Variants in COMMD10 observed in about 807,000 individuals in gnomAD.
COMMD10 encodes COMM domain-containing protein 10.
In COMMD10, 33 loss-of-function variants were observed where a neutral mutation model predicts 28.9. The ratio of observed to expected loss-of-function variants is 1.14; its 90% confidence interval spans 0.87 to 1.53. The LOEUF is 1.53. Among genes scored for constraint, COMMD10 ranks in the 40% most tolerant of loss-of-function variants. The pLI, the probability that COMMD10 is intolerant of heterozygous loss-of-function variation, is 0.00. For missense variants in COMMD10, 310 were observed against 233.4 expected, an observed-to-expected ratio of 1.33 and a Z score of -2.14; for synonymous variants, 110 against 81.7, an observed-to-expected ratio of 1.35 and a Z score of -1.87.
chr5:116,168,856 A>C (rs1323165736), intron 5 of COMMD10, among the ~76,000 whole-genome samples: 1 of 152,224 alleles, frequency 6.6e-6, no homozygotes, highest in African/African-American at 2.4e-5. Flanking sequence ...TTATAGCACT[A>C]ACTGCCCACA....
intron 4 of COMMD10, among the ~76,000 whole-genome samples, chr5:116,129,960 G>A (rs1273141891): frequency 6.6e-6 from 1 of 150,956 alleles, no homozygotes; most frequent in Non-Finnish European, 1.5e-5. Flanking sequence ...GAAGCTGTGT[G>A]TGTGGGTGTT....
chr5:116,133,104 A>G (rs1224971542), intron 4 of COMMD10, among the ~76,000 whole-genome samples: 2 of 152,288 alleles, frequency 1.3e-5, no homozygotes, highest in East Asian at 1.9e-4. Context: ...TGAGCCTGCC[A>G]TTCTTACCCA....
intron 4 of COMMD10, among the ~76,000 whole-genome samples, chr5:116,121,394 G>T (rs6866454): frequency 0.31 from 46,452 of 152,072 alleles, 9,658 homozygotes; most frequent in African/African-American, 0.6. Flanking sequence ...CTGGACATTC[G>T]GGTTGGTTCC....
intron 5 of COMMD10, among the ~76,000 whole-genome samples, chr5:116,284,326 A>ATGTG (rs987691365): frequency 1.4e-5 from 2 of 146,604 alleles, no homozygotes; most frequent in Non-Finnish European, 3.0e-5. Flanking sequence ...AAAGGATTGT[A>ATGTG]TGTGTGTGTG....
At chr5:116,175,046 C>G (rs1051319814) in intron 5 of COMMD10, among the ~76,000 whole-genome samples, 1 of 152,088 alleles carries the variant, frequency 6.6e-6, no homozygotes, top group African/African-American at 2.4e-5. Context: ...TGTGATCTTT[C>G]ATAACTATTT....
intron 5 of COMMD10, among the ~76,000 whole-genome samples, chr5:116,229,368 CATTG>C (rs1749473019): frequency 6.6e-6 from 1 of 152,004 alleles, no homozygotes; most frequent in South Asian, 2.1e-4. Flanking sequence ...GCAGGATCAA[CATTG>C]ATTGAGTAAA....
intron 5 of COMMD10, among the ~76,000 whole-genome samples, chr5:116,191,456 C>T (rs891765710): frequency 1.4e-4 from 22 of 151,770 alleles, no homozygotes; most frequent in African/African-American, 3.1e-4. Flanking sequence ...TTGTGGGGCT[C>T]GGTGGGAGTG....
intron 1 of COMMD10, among the ~76,000 whole-genome samples, chr5:116,086,606 C>T (rs1030697772): frequency 6.6e-6 from 1 of 152,140 alleles, no homozygotes; most frequent in African/African-American, 2.4e-5. Flanking sequence ...TTACAGGCAC[C>T]CGCCACCACG....
At chr5:116,152,417 T>C (rs1428149884) in intron 5 of COMMD10, among the ~76,000 whole-genome samples, 3 of 152,178 alleles carry the variant, frequency 2.0e-5, no homozygotes, top group African/African-American at 7.2e-5. Flanking sequence ...AGGGATAGTA[T>C]GGCAGTGTGC....
intron 5 of COMMD10, among the ~76,000 whole-genome samples, chr5:116,260,449 T>C (rs546485709): frequency 6.6e-6 from 1 of 151,972 alleles, no homozygotes; most frequent in South Asian, 2.1e-4. Flanking sequence ...TTTTGACATA[T>C]TCAGTGTGGA....
chr5:116,128,768 T>C (rs574627002), intron 4 of COMMD10, among the ~76,000 whole-genome samples: 2 of 152,016 alleles, frequency 1.3e-5, no homozygotes, highest in Non-Finnish European at 2.9e-5. Context: ...TTTTAGGACA[T>C]TGATATTTCT....
chr5:116,187,587 T>C (rs956659942), intron 5 of COMMD10, among the ~76,000 whole-genome samples: 1 of 152,118 alleles, frequency 6.6e-6, no homozygotes, highest in Non-Finnish European at 1.5e-5. Context: ...ATCTCTACAT[T>C]ACTTCATGCA....
intron 5 of COMMD10, 46 bp downstream of exon 5, chr5:116,134,224 A>G (rs1285022449): frequency 2.7e-6 from 3 of 1,120,694 alleles, no homozygotes; most frequent in East Asian, 4.8e-5. Flanking sequence ...GTTTGTTAGG[A>G]CTTAAACTTT....
intron 5 of COMMD10, among the ~76,000 whole-genome samples, chr5:116,240,590 A>G (rs376888154): frequency 2.0e-5 from 3 of 152,170 alleles, no homozygotes; most frequent in Non-Finnish European, 2.9e-5. Context: ...GCCATGTTGC[A>G]TGAGAACTTC....
intron 5 of COMMD10, among the ~76,000 whole-genome samples, chr5:116,271,682 C>T (rs1207613213): frequency 1.3e-5 from 2 of 151,816 alleles, no homozygotes; most frequent in Admixed American, 1.3e-4. Flanking sequence ...GAGCCTATGT[C>T]TACTTGGAAG....
chr5:116,168,990 G>A (rs900206580), intron 5 of COMMD10, among the ~76,000 whole-genome samples: 25 of 151,808 alleles, frequency 1.6e-4, no homozygotes, highest in African/African-American at 5.5e-4. Flanking sequence ...AGAGTAGAAC[G>A]AAAGGAGATA....
At chr5:116,186,462 T>C (rs192588897) in intron 5 of COMMD10, among the ~76,000 whole-genome samples, 2 of 152,274 alleles carry the variant, frequency 1.3e-5, no homozygotes, top group East Asian at 3.9e-4. Context: ...TTGCAGGTTC[T>C]ATCCTTTAAC....
chr5:116,129,136 G>C (rs534132011), intron 4 of COMMD10, among the ~76,000 whole-genome samples: 3 of 151,508 alleles, frequency 2.0e-5, no homozygotes, highest in Non-Finnish European at 4.4e-5. Flanking sequence ...TGAACTTCTT[G>C]TAACTTTTGA....
chr5:116,268,312 AAAG>A (rs1456323753), intron 5 of COMMD10, among the ~76,000 whole-genome samples: 2 of 151,882 alleles, frequency 1.3e-5, no homozygotes, highest in East Asian at 3.8e-4. Context: ...ACACTTCTCA[AAAG>A]AAGACATTTA....
Sources: gnomAD v4.1 joint callset for allele counts (sites outside exome capture counted in the v4.1 genomes callset) on GRCh38, gnomAD v4.1.1 for gene constraint, MANE v1.5 for transcripts, NCBI Gene and HGNC (gene_info 2026-07-23, HGNC 2026-07-21) for gene names.